Variants in EYS observed in about 807,000 individuals in gnomAD.
EYS encodes the protein EGF-like photoreceptor maintenance factor.
Under a neutral mutation model 282.1 loss-of-function variants are expected in EYS, and 250 were observed. The observed-to-expected ratio is 0.89, with a 90% CI of 0.80 to 0.98. The LOEUF (loss-of-function observed/expected upper bound fraction) is 0.98, where lower values mean the gene tolerates loss of function less well. Among genes scored for constraint, EYS ranks in the 50% least tolerant of loss-of-function variants. The pLI is 0.00. For synonymous variants in EYS, 1,355 were observed against 1,282.9 expected (o/e 1.06, Z -1.20); for missense variants, 4,016 against 3,709.0 (o/e 1.08, Z -2.15).
intron 30 of EYS, among the ~76,000 whole-genome samples, chr6:64,264,746 C>T (rs1224596078): frequency 6.6e-6 from 1 of 151,990 alleles, no homozygotes; most frequent in African/African-American, 2.4e-5. Flanking sequence ...CCCATCTCTA[C>T]TAAAAATACA....
At chr6:64,077,141 T>C (rs1771801012) in intron 32 of EYS, among the ~76,000 whole-genome samples, 1 of 151,992 alleles carries the variant, frequency 6.6e-6, no homozygotes, top group Non-Finnish European at 1.5e-5. Context: ...CCTATATCTG[T>C]CTTGAGCTAG....
chr6:65,420,033 G>A (rs1247272991), intron 5 of EYS, among the ~76,000 whole-genome samples: 4 of 151,962 alleles, frequency 2.6e-5, no homozygotes, highest in African/African-American at 9.7e-5. Context: ...TAATATTTTT[G>A]CTGATGGAAT....
chr6:65,090,802 A>G (rs552144444), intron 12 of EYS, among the ~76,000 whole-genome samples: 1 of 152,164 alleles, frequency 6.6e-6, no homozygotes, highest in South Asian at 2.1e-4. Flanking sequence ...GTAATTGACA[A>G]AGTAATTGTC....
At chr6:64,755,514 AC>A (rs1772907232) in intron 22 of EYS, among the ~76,000 whole-genome samples, 1 of 151,136 alleles carries the variant, frequency 6.6e-6, no homozygotes, top group Admixed American at 6.6e-5. Flanking sequence ...ACACACACAC[AC>A]ACACACACAC....
intron 33 of EYS, among the ~76,000 whole-genome samples, chr6:64,019,787 A>G (rs968726639): frequency 6.7e-5 from 10 of 148,166 alleles, no homozygotes; most frequent in African/African-American, 2.5e-4. Context: ...CAATAGTTGA[A>G]TTTGGAGATG....
chr6:64,610,813 C>T (rs1401571546), intron 24 of EYS, among the ~76,000 whole-genome samples: 2 of 152,114 alleles, frequency 1.3e-5, no homozygotes, highest in Non-Finnish European at 2.9e-5. Flanking sequence ...TTTCATTATA[C>T]ATTATACTTA....
intron 11 of EYS, among the ~76,000 whole-genome samples, chr6:65,310,083 C>A (rs977071453): frequency 1.3e-5 from 2 of 152,168 alleles, no homozygotes; most frequent in African/African-American, 4.8e-5. Flanking sequence ...GTGGCTCATG[C>A]CTGTCATCCC....
intron 28 of EYS, among the ~76,000 whole-genome samples, chr6:64,395,299 TC>T (rs1448428602): frequency 6.6e-6 from 1 of 152,168 alleles, no homozygotes; most frequent in African/African-American, 2.4e-5. Flanking sequence ...CCCAAAGGAC[TC>T]TAAATCATGC....
chr6:64,707,994 A>G (rs1415716698), intron 22 of EYS, among the ~76,000 whole-genome samples: 1 of 152,190 alleles, frequency 6.6e-6, no homozygotes, highest in Non-Finnish European at 1.5e-5. Flanking sequence ...ATAAAATTAT[A>G]TAAAATAGAA....
chr6:64,545,696 C>A (rs1764836413), intron 26 of EYS, among the ~76,000 whole-genome samples: 1 of 152,080 alleles, frequency 6.6e-6, no homozygotes, highest in Admixed American at 6.6e-5. Context: ...AATCAATGTG[C>A]AAAAATCACA....
intron 36 of EYS, among the ~76,000 whole-genome samples, chr6:63,849,709 A>G (rs1300937560): frequency 6.6e-6 from 1 of 152,232 alleles, no homozygotes; most frequent in East Asian, 1.9e-4. Context: ...TAAACCCACA[A>G]AGATGAGGAA....
chr6:64,965,627 T>C (rs16896110), intron 14 of EYS, among the ~76,000 whole-genome samples: 23,965 of 151,950 alleles, frequency 0.16, 1,973 homozygotes, highest in East Asian at 0.24. Context: ...TTTTATACTT[T>C]TTATATAGCA....
chr6:64,094,484 G>T (rs1337123270), intron 31 of EYS, among the ~76,000 whole-genome samples: 2 of 152,148 alleles, frequency 1.3e-5, no homozygotes, highest in Non-Finnish European at 2.9e-5. Context: ...TTAGTCTTGG[G>T]AGGGTGTATG....
intron 22 of EYS, among the ~76,000 whole-genome samples, chr6:64,745,927 C>T (rs1410651340): frequency 6.6e-6 from 1 of 152,038 alleles, no homozygotes; most frequent in East Asian, 1.9e-4. Context: ...TCACACATAT[C>T]CTTAGGAAGT....
intron 1 of EYS, among the ~76,000 whole-genome samples, chr6:65,698,652 T>A (rs942091412): frequency 6.6e-6 from 1 of 152,146 alleles, no homozygotes; most frequent in Non-Finnish European, 1.5e-5. Flanking sequence ...CTGTTTTTTG[T>A]GAATTTCAAG....
At chr6:65,389,514 A>C (rs1045541906) in intron 7 of EYS, among the ~76,000 whole-genome samples, 9 of 152,164 alleles carry the variant, frequency 5.9e-5, no homozygotes, top group Admixed American at 5.9e-4. Flanking sequence ...AAGGTTCAAA[A>C]CAATGAGGTC....
chr6:65,039,596 A>G (rs1381453325), intron 13 of EYS, among the ~76,000 whole-genome samples: 1 of 151,582 alleles, frequency 6.6e-6, no homozygotes, highest in African/African-American at 2.4e-5. Flanking sequence ...TGATGTGATT[A>G]CATTTTTCCA....
intron 14 of EYS, among the ~76,000 whole-genome samples, chr6:64,996,838 C>G (rs1478054353): frequency 6.6e-6 from 1 of 152,150 alleles, no homozygotes; most frequent in African/African-American, 2.4e-5. Context: ...GCTTTGTTTT[C>G]TAACTTCAAC....
intron 2 of EYS, among the ~76,000 whole-genome samples, chr6:65,568,381 T>A (rs1299927125): frequency 6.6e-6 from 1 of 151,914 alleles, no homozygotes; most frequent in Non-Finnish European, 1.5e-5. Flanking sequence ...GTCTTCATTT[T>A]AAAGGCTTCT....
Sources: allele counts gnomAD v4.1 joint callset (sites outside exome capture counted in the v4.1 genomes callset), GRCh38; gene constraint gnomAD v4.1.1; transcripts MANE v1.5; gene names NCBI Gene and HGNC (gene_info 2026-07-23, HGNC 2026-07-21).